The following VPS13B variants were observed in gnomAD, a reference collection of about 807,000 sequenced individuals.
The protein encoded by VPS13B is vacuolar protein sorting 13 homolog B.
VPS13B carries 285 observed loss-of-function variants against 426.4 expected under a neutral mutation model. That is an observed-to-expected ratio of 0.67 (90% CI 0.61 to 0.74). The LOEUF is 0.74. Among genes scored for constraint, VPS13B ranks in the 30% least tolerant of loss-of-function variants. VPS13B has a pLI of 0.00. For synonymous variants in VPS13B, 1,676 were observed against 1,676.4 expected, an observed-to-expected ratio of 1.00 and a Z score of 0.01; for missense variants, 4,537 against 4,782.6, an observed-to-expected ratio of 0.95 and a Z score of 1.51.
At chr8:99,842,650 C>T (rs1483789732) in intron 54 of VPS13B, among the ~76,000 whole-genome samples, 1 of 152,068 alleles carries the variant, frequency 6.6e-6, no homozygotes, top group East Asian at 1.9e-4. Context: ...CCACTATTTT[C>T]TTTGTCACCT....
At chr8:99,102,336 T>C (rs1846798058) in intron 4 of VPS13B, among the ~76,000 whole-genome samples, 1 of 152,168 alleles carries the variant, frequency 6.6e-6, no homozygotes, top group Non-Finnish European at 1.5e-5. Flanking sequence ...AATATTTCTT[T>C]AACTCTTCCT....
intron 3 of VPS13B, among the ~76,000 whole-genome samples, chr8:99,039,955 C>T (rs1842904557): frequency 1.3e-5 from 2 of 152,184 alleles, no homozygotes; most frequent in Admixed American, 6.5e-5. Context: ...TACATTACAA[C>T]AAAGTTTTAC....
intron 21 of VPS13B, among the ~76,000 whole-genome samples, chr8:99,394,761 C>T (rs1814637706): frequency 6.6e-6 from 1 of 152,142 alleles, no homozygotes; most frequent in Non-Finnish European, 1.5e-5. Flanking sequence ...TTTTATCTTA[C>T]AAGTTTATAT....
rs199941415 is a variant in VPS13B, at chr8:99,809,431, T to C, written c.7998T>C (p.Ser2666=). The C allele has an allele frequency of 1.9e-4, 306 of 1,614,042 alleles. 1 individual carries two copies. The highest frequency in any genetic ancestry group is 8.3e-4 in the Middle Eastern group (5 of 6,060). ...WGNWRWSEPF[S]VDHAGTFIRT... is the part of the protein sequence containing the mutation. ...ACTGGCGTTGGTCAGAGCCTTTCAG[T>C]GTGGACCATGCCGGGACTTTTATTA... Residue 2666 remains serine, a synonymous_variant, in exon 44 of 62, where the codon AGT becomes AGC. Coordinates refer to ENST00000357162, the MANE Select transcript of VPS13B (RefSeq NM_152564.5).
intron 31 of VPS13B, among the ~76,000 whole-genome samples, chr8:99,574,930 T>A (rs1230626410): frequency 1.3e-5 from 2 of 152,122 alleles, no homozygotes; most frequent in Non-Finnish European, 2.9e-5. Context: ...TTGAGAGTCC[T>A]AGGCAGGAGA....
chr8:99,594,410 TC>T (rs1279076720), intron 33 of VPS13B, among the ~76,000 whole-genome samples: 1 of 151,956 alleles, frequency 6.6e-6, no homozygotes, highest in East Asian at 1.9e-4. Flanking sequence ...TTAAGCATTT[TC>T]CATAGTGATT....
At chr8:99,111,077 A>G (rs747422290) in intron 5 of VPS13B, 21 bp from the exon 6 acceptor site, 46 of 1,594,058 alleles carry the variant, frequency 2.9e-5, no homozygotes, top group Admixed American at 1.4e-4. Context: ...TTTTACTTAA[A>G]ATGTTTTTTT....
chr8:99,826,433 T>C (rs1475764806), intron 51 of VPS13B, among the ~76,000 whole-genome samples: 1 of 152,242 alleles, frequency 6.6e-6, no homozygotes, highest in Non-Finnish European at 1.5e-5. Flanking sequence ...ATCCTGAGAC[T>C]TTGCCAAAGT....
chr8:99,684,194 A>T (rs566097303), intron 35 of VPS13B, among the ~76,000 whole-genome samples: 4 of 152,280 alleles, frequency 2.6e-5, no homozygotes, highest in Admixed American at 2.6e-4. Context: ...CTGTATGCTG[A>T]TGGATTTGAT....
intron 25 of VPS13B, among the ~76,000 whole-genome samples, chr8:99,487,384 G>T (rs1029504554): frequency 6.6e-6 from 1 of 151,962 alleles, no homozygotes; most frequent in African/African-American, 2.4e-5. Flanking sequence ...CACTCTCCTT[G>T]TACATATTAA....
intron 41 of VPS13B, among the ~76,000 whole-genome samples, chr8:99,778,231 C>CAAAA (rs377457529): frequency 0.046 from 4,341 of 94,268 alleles, 78 homozygotes; most frequent in East Asian, 0.059. Context: ...GACTCCATCT[C>CAAAA]AAAAAAAAAA....
intron 43 of VPS13B, among the ~76,000 whole-genome samples, chr8:99,791,743 A>AC (rs1812546514): frequency 6.7e-6 from 1 of 148,796 alleles, no homozygotes; most frequent in Non-Finnish European, 1.5e-5. Context: ...AAAAAAAAAA[A>AC]CTACCTGAAG....
intron 33 of VPS13B, among the ~76,000 whole-genome samples, chr8:99,625,044 C>T (rs564841619): frequency 2.6e-5 from 4 of 152,088 alleles, no homozygotes; most frequent in South Asian, 2.1e-4. Context: ...AGGCTGGTCT[C>T]GAACTCCCAA....
intron 23 of VPS13B, among the ~76,000 whole-genome samples, chr8:99,449,625 G>A (rs1028464165): frequency 6.6e-6 from 1 of 152,096 alleles, no homozygotes; most frequent in Non-Finnish European, 1.5e-5. Flanking sequence ...AGAAGGTCAG[G>A]TAAGTAAGGA....
At chr8:99,605,518 TA>T (rs1362698986) in intron 33 of VPS13B, among the ~76,000 whole-genome samples, 2 of 152,248 alleles carry the variant, frequency 1.3e-5, no homozygotes, top group African/African-American at 4.8e-5. Flanking sequence ...CTCAACATTT[TA>T]GAAGAGTTTT....
At chr8:99,503,441 T>G (rs566248130) in intron 27 of VPS13B, among the ~76,000 whole-genome samples, 4 of 152,188 alleles carry the variant, frequency 2.6e-5, no homozygotes, top group Non-Finnish European at 5.9e-5. Flanking sequence ...GAATCTTTCT[T>G]TATGAAAGAT....
intron 15 of VPS13B, among the ~76,000 whole-genome samples, chr8:99,162,692 C>T (rs4735602): frequency 0.28 from 43,045 of 151,892 alleles, 7,118 homozygotes; most frequent in East Asian, 0.43. Flanking sequence ...GGCTCAGGAG[C>T]GAAGCTGCAG....
intron 21 of VPS13B, among the ~76,000 whole-genome samples, chr8:99,398,613 A>G (rs570915003): frequency 6.6e-6 from 1 of 152,316 alleles, no homozygotes; most frequent in East Asian, 1.9e-4. Context: ...ACAAAATTGG[A>G]GATACCACAA....
intron 12 of VPS13B, among the ~76,000 whole-genome samples, chr8:99,137,030 A>G (rs1005296145): frequency 7.2e-5 from 11 of 152,124 alleles, no homozygotes; most frequent in African/African-American, 1.4e-4. Flanking sequence ...ATCAAATTTT[A>G]TATTACATTA....
Sources: gnomAD v4.1 joint callset for allele counts (sites outside exome capture counted in the v4.1 genomes callset) on GRCh38, gnomAD v4.1.1 for gene constraint, MANE v1.5 for transcripts, NCBI Gene and HGNC (gene_info 2026-07-23, HGNC 2026-07-21) for gene names.